The following BMPR1B variants were observed in gnomAD, a reference collection of about 807,000 sequenced individuals.
BMPR1B encodes the protein bone morphogenetic protein receptor type 1B, also known as bone morphogenetic protein receptor type-1B.
Under a neutral mutation model 59.1 loss-of-function variants are expected in BMPR1B, and 12 were observed. That is an observed-to-expected ratio of 0.20 (90% CI 0.13 to 0.33). The LOEUF (loss-of-function observed/expected upper bound fraction) is 0.33, where lower values mean the gene tolerates loss of function less well. BMPR1B is among the 10% of genes least tolerant of loss of function. BMPR1B has a pLI of 1.00. For synonymous variants in BMPR1B, 237 were observed against 207.3 expected (o/e 1.14, Z -1.23); for missense variants, 550 against 610.9 (o/e 0.90, Z 1.05).
At chr4:94,908,093 A>AAAAAAAGAAAAAG (rs1553917473) in intron 2 of BMPR1B, among the ~76,000 whole-genome samples, 1 of 118,712 alleles carries the variant, frequency 8.4e-6, no homozygotes, top group Non-Finnish European at 1.6e-5. Context: ...AAAAAAAAGA[A>AAAAAAAGAAAAAG]AAAACAAAAA....
At chr4:94,987,788 A>C (rs529297572) in intron 2 of BMPR1B, among the ~76,000 whole-genome samples, 4 of 152,284 alleles carry the variant, frequency 2.6e-5, no homozygotes, top group Non-Finnish European at 4.4e-5. Flanking sequence ...TATTTCATAA[A>C]ATTAATAGCA....
At chr4:95,090,684 T>G (rs1729913937) in intron 3 of BMPR1B, among the ~76,000 whole-genome samples, 1 of 152,058 alleles carries the variant, frequency 6.6e-6, no homozygotes, top group African/African-American at 2.4e-5. Flanking sequence ...GAAATATTTG[T>G]GTATGGTAAA....
intron 2 of BMPR1B, among the ~76,000 whole-genome samples, chr4:94,936,170 A>T (rs947560665): frequency 1.3e-5 from 2 of 152,178 alleles, no homozygotes; most frequent in African/African-American, 4.8e-5. Context: ...GCTCTAAATC[A>T]AGTTGAATTT....
chr4:95,042,428 AT>A (rs113794036), intron 3 of BMPR1B, among the ~76,000 whole-genome samples: 13 of 152,312 alleles, frequency 8.5e-5, no homozygotes, highest in Admixed American at 4.6e-4. Context: ...TGCAAAAAAA[AT>A]TTTAAAATAT....
At chr4:94,993,157 C>G (rs1035740521) in intron 2 of BMPR1B, among the ~76,000 whole-genome samples, 2 of 152,140 alleles carry the variant, frequency 1.3e-5, no homozygotes, top group African/African-American at 4.8e-5. Flanking sequence ...TCCCAAAGTG[C>G]TGGGTTTACA....
intron 1 of BMPR1B, among the ~76,000 whole-genome samples, chr4:94,774,942 AG>A (rs1423560687): frequency 6.6e-6 from 1 of 152,156 alleles, no homozygotes; most frequent in Admixed American, 6.5e-5. Flanking sequence ...AAAGTACATG[AG>A]GAACCTCAGA....
At chr4:94,941,194 C>T (rs1162726422) in intron 2 of BMPR1B, among the ~76,000 whole-genome samples, 1 of 152,082 alleles carries the variant, frequency 6.6e-6, no homozygotes, top group African/African-American at 2.4e-5. Context: ...CTTTGGGAGG[C>T]CAAGGCAGGC....
intron 2 of BMPR1B, among the ~76,000 whole-genome samples, chr4:94,950,690 A>G (rs1034101941): frequency 3.3e-5 from 5 of 152,146 alleles, no homozygotes; most frequent in Admixed American, 6.5e-5. Flanking sequence ...TTTGATTACT[A>G]CAGCCCTGTA....
At chr4:94,803,051 C>T (rs1723469910) in intron 1 of BMPR1B, among the ~76,000 whole-genome samples, 1 of 152,146 alleles carries the variant, frequency 6.6e-6, no homozygotes, top group Admixed American at 6.5e-5. Flanking sequence ...ACCTCCAGTG[C>T]TCATGGTTGC....
intron 4 of BMPR1B, among the ~76,000 whole-genome samples, chr4:95,108,583 C>CT (rs948415539): frequency 1.4e-4 from 21 of 152,068 alleles, no homozygotes; most frequent in African/African-American, 4.6e-4. Context: ...ATTAATTACT[C>CT]TATCAGCCTT....
chr4:95,051,192 A>G (rs1726473626), intron 3 of BMPR1B, among the ~76,000 whole-genome samples: 1 of 152,174 alleles, frequency 6.6e-6, no homozygotes, highest in African/African-American at 2.4e-5. Context: ...GATCTGTTGC[A>G]CTATTTTTGG....
At chr4:94,811,189 G>A (rs1259441064) in intron 1 of BMPR1B, among the ~76,000 whole-genome samples, 1 of 152,136 alleles carries the variant, frequency 6.6e-6, no homozygotes, top group African/African-American at 2.4e-5. Context: ...TTGACATAAA[G>A]TCCAGAACAG....
chr4:94,910,922 C>T (rs1441581477), intron 2 of BMPR1B, among the ~76,000 whole-genome samples: 2 of 151,836 alleles, frequency 1.3e-5, no homozygotes, highest in Non-Finnish European at 2.9e-5. Context: ...TTCCCACTCC[C>T]CCCAAAATTG....
chr4:94,867,847 A>C (rs1393522053), intron 1 of BMPR1B, among the ~76,000 whole-genome samples: 1 of 151,790 alleles, frequency 6.6e-6, no homozygotes, highest in East Asian at 1.9e-4. Context: ...TATTAAGATC[A>C]CCGTTTCTTT....
chr4:94,849,945 G>A (rs1380508343), intron 1 of BMPR1B, among the ~76,000 whole-genome samples: 3 of 152,194 alleles, frequency 2.0e-5, no homozygotes, highest in South Asian at 2.1e-4. Flanking sequence ...AGGATCTACT[G>A]TATTCTCTCT....
At chr4:94,817,267 A>G (rs1325201482) in intron 1 of BMPR1B, among the ~76,000 whole-genome samples, 2 of 152,228 alleles carry the variant, frequency 1.3e-5, no homozygotes, top group Non-Finnish European at 2.9e-5. Flanking sequence ...ACTGAGGCAA[A>G]TAGTAATTTC....
intron 1 of BMPR1B, among the ~76,000 whole-genome samples, chr4:94,812,644 G>A (rs1457384785): frequency 2.6e-5 from 4 of 152,166 alleles, no homozygotes; most frequent in South Asian, 4.1e-4. Flanking sequence ...TGCAAATGAT[G>A]TGTAAATGTT....
At chr4:95,075,711 G>T (rs1456722844) in intron 3 of BMPR1B, among the ~76,000 whole-genome samples, 3 of 149,124 alleles carry the variant, frequency 2.0e-5, no homozygotes, top group South Asian at 2.1e-4. Context: ...CATATTTTTT[G>T]AGAGAATTTT....
At chr4:94,795,143 A>C (rs1321272922) in intron 1 of BMPR1B, among the ~76,000 whole-genome samples, 4 of 146,214 alleles carry the variant, frequency 2.7e-5, no homozygotes, top group Admixed American at 1.4e-4. Flanking sequence ...TGAGTATGAT[A>C]TTGGCTGTGG....
Sources: gnomAD v4.1 joint callset for allele counts (sites outside exome capture counted in the v4.1 genomes callset) on GRCh38, gnomAD v4.1.1 for gene constraint, MANE v1.5 for transcripts, NCBI Gene and HGNC (gene_info 2026-07-23, HGNC 2026-07-21) for gene names.